Variants in CRYBG3 observed in about 807,000 individuals in gnomAD.
CRYBG3 encodes very large A-kinase anchor protein.
A neutral mutation model predicts 244.2 loss-of-function variants in CRYBG3; 127 were observed. The ratio of observed to expected loss-of-function variants is 0.52; its 90% confidence interval spans 0.45 to 0.60. The LOEUF (loss-of-function observed/expected upper bound fraction) is 0.60, where lower values mean the gene tolerates loss of function less well. CRYBG3 is among the 20% of genes least tolerant of loss of function. CRYBG3 has a pLI of 0.00. For missense variants in CRYBG3, 3,325 were observed against 3,442.5 expected (o/e 0.97, Z 0.85); for synonymous variants, 1,132 against 1,195.8 (o/e 0.95, Z 1.10).
Position 97,872,141 on chromosome 3 carries a change from C to A in CRYBG3, c.947C>A (p.Ser316Tyr). The part of the protein sequence containing the change: ...CSKTSFNKEN[S>Y]LTNNPELQNI... ...AAAACAAGTTTCAACAAGGAAAATT[C>A]TTTGACAAATAACCCAGAACTGCAG... The change falls in exon 4 of 22, where the codon TCT (serine) becomes TAT (tyrosine). Residue 316 changes from serine (S) to tyrosine (Y), a missense_variant. Around this residue, in one of 4 missense-constraint regions of CRYBG3, gnomAD observed 1,526 missense variants for 1,443.2 expected, o/e 1.06. Transcript: ENST00000389622. 7 of 1,535,996 alleles carry A rather than the reference C, an allele frequency of 4.6e-6. No homozygotes were observed. Among genetic ancestry groups the A allele is most frequent in the Non-Finnish European group, 5.2e-6 (6 of 1,146,794 alleles).
chr3:97,927,420 A>G (rs2040052053), intron 17 of CRYBG3, among the ~76,000 whole-genome samples: 2 of 152,130 alleles, frequency 1.3e-5, no homozygotes, highest in South Asian at 4.1e-4. Context: ...AAATAACTCA[A>G]GATGGATTAA....
At chr3:97,888,783 A>C (rs949997642) in intron 9 of CRYBG3, among the ~76,000 whole-genome samples, 2 of 152,210 alleles carry the variant, frequency 1.3e-5, no homozygotes, top group African/African-American at 2.4e-5. Context: ...AACAAAAAAA[A>C]CTACAGAATT....
At chr3:97,932,533 C>T (rs1293552169) in intron 17 of CRYBG3, among the ~76,000 whole-genome samples, 1 of 152,012 alleles carries the variant, frequency 6.6e-6, no homozygotes, top group Non-Finnish European at 1.5e-5. Flanking sequence ...TTATTTTCTG[C>T]CTGTTCATTT....
intron 1 of CRYBG3, among the ~76,000 whole-genome samples, chr3:97,824,988 T>C (rs974682585): frequency 2.6e-5 from 4 of 152,038 alleles, no homozygotes; most frequent in African/African-American, 9.7e-5. Context: ...CTTCAAGGAA[T>C]TGGTGATGTT....
chr3:97,838,377 A>G (rs894838389), intron 1 of CRYBG3, among the ~76,000 whole-genome samples: 2 of 152,156 alleles, frequency 1.3e-5, no homozygotes, highest in Non-Finnish European at 2.9e-5. Flanking sequence ...AGCTAAAGAT[A>G]GAGAGGCTCT....
chr3:97,878,208 A>G (rs2039406210), intron 4 of CRYBG3, among the ~76,000 whole-genome samples, 171 bp downstream of exon 4: 1 of 152,160 alleles, frequency 6.6e-6, no homozygotes, highest in South Asian at 2.1e-4. Context: ...CAGGAGTTCA[A>G]GACCAGCCTG....
At chr3:97,843,641 A>T (rs1033070277) in intron 2 of CRYBG3, among the ~76,000 whole-genome samples, 1 of 152,192 alleles carries the variant, frequency 6.6e-6, no homozygotes, top group Non-Finnish European at 1.5e-5. Flanking sequence ...GCAAAGCAAT[A>T]GTGCTTTTGG....
Position 97,912,290 on chromosome 3 carries a change from CTTAGTGG to C in CRYBG3, c.8114+17_8114+23del. 1 of 1,368,536 alleles carries C rather than the reference CTTAGTGG, an allele frequency of 7.3e-7. No homozygotes were observed. Among genetic ancestry groups the C allele is most frequent in the Non-Finnish European group, 1.0e-6 (1 of 976,816 alleles). 84.8% of individuals were successfully genotyped at this position (1,368,536 alleles called of 1,614,324 possible). A position where few individuals can be genotyped will look rare whatever the true frequency, so the allele number is the denominator to read the frequency against. On this transcript the variant is annotated intron_variant, in intron 16 of 21. Coordinates refer to ENST00000389622, the MANE Select transcript of CRYBG3 (RefSeq NM_153605.4). ...TCTTCGAGGTTGGTAAGTATGCTTA[CTTAGTGG>C]TTTCTGCTGTTATTTAATAACTAAT...
chr3:97,867,625 A>C (rs913753483), intron 3 of CRYBG3, among the ~76,000 whole-genome samples: 1 of 152,224 alleles, frequency 6.6e-6, no homozygotes, highest in Non-Finnish European at 1.5e-5. Flanking sequence ...CTACTTCCTT[A>C]AATATTTGAA....
chr3:97,891,550 C>G (rs1437147353), intron 10 of CRYBG3, among the ~76,000 whole-genome samples: 1 of 152,130 alleles, frequency 6.6e-6, no homozygotes, highest in Non-Finnish European at 1.5e-5. Context: ...TCGTCACTGT[C>G]AAGACACTTT....
intron 1 of CRYBG3, among the ~76,000 whole-genome samples, chr3:97,825,700 G>A (rs900552458): frequency 1.3e-5 from 2 of 152,186 alleles, no homozygotes; most frequent in Non-Finnish European, 2.9e-5. Flanking sequence ...CACCCAGGTG[G>A]GTGGGAGGGA....
At chr3:97,925,019 G>T (rs2040024952) in intron 17 of CRYBG3, among the ~76,000 whole-genome samples, 1 of 151,998 alleles carries the variant, frequency 6.6e-6, no homozygotes, top group African/African-American at 2.4e-5. Flanking sequence ...CTCTTAGCTG[G>T]GTGTGGTGGC....
At chr3:97,940,850 A>C (rs1029251784) in intron 19 of CRYBG3, among the ~76,000 whole-genome samples, 1 of 151,862 alleles carries the variant, frequency 6.6e-6, no homozygotes, top group African/African-American at 2.4e-5. Flanking sequence ...TCAAGTCCCT[A>C]ATTCTTTACC....
chr3:97,921,198 G>A (rs891798098), intron 17 of CRYBG3, among the ~76,000 whole-genome samples: 1 of 146,898 alleles, frequency 6.8e-6, no homozygotes, highest in African/African-American at 2.5e-5. Context: ...CTAATTTAAA[G>A]GACCTCAATT....
intron 3 of CRYBG3, among the ~76,000 whole-genome samples, chr3:97,868,052 G>A (rs966580974): frequency 1.3e-5 from 2 of 152,100 alleles, no homozygotes; most frequent in Admixed American, 6.5e-5. Flanking sequence ...GGGAGGCCGA[G>A]GCGGGCGGAT....
chr3:97,831,291 C>G (rs1162913188), intron 1 of CRYBG3, among the ~76,000 whole-genome samples: 3 of 152,176 alleles, frequency 2.0e-5, no homozygotes, highest in African/African-American at 7.2e-5. Flanking sequence ...GATGTTATGA[C>G]AGACTTCAGT....
chr3:97,871,241 T>C (rs1273218830), intron 3 of CRYBG3, among the ~76,000 whole-genome samples: 1 of 152,206 alleles, frequency 6.6e-6, no homozygotes. Context: ...AAATGAATAT[T>C]TGAAGAACTG....
chr3:97,861,030 C>T (rs2039139456), intron 2 of CRYBG3, among the ~76,000 whole-genome samples: 1 of 151,782 alleles, frequency 6.6e-6, no homozygotes, highest in South Asian at 2.1e-4. Flanking sequence ...TTCTATTCTC[C>T]ATGTCCATTT....
chr3:97,898,005 G>A (rs2039658980), intron 12 of CRYBG3, among the ~76,000 whole-genome samples: 1 of 151,836 alleles, frequency 6.6e-6, no homozygotes, highest in Non-Finnish European at 1.5e-5. Context: ...TGGATCACGA[G>A]GTCAGGAGAT....
Sources: gnomAD v4.1 joint callset for allele counts (sites outside exome capture counted in the v4.1 genomes callset) on GRCh38, gnomAD v4.1.1 for gene constraint, gnomAD v4.1.1 regional missense constraint, MANE v1.5 for transcripts, NCBI Gene and HGNC (gene_info 2026-07-23, HGNC 2026-07-21) for gene names.